PTPRK: variants seen among roughly 807,000 people sequenced by gnomAD.
The protein encoded by PTPRK is protein tyrosine phosphatase receptor type K.
A neutral mutation model predicts 178.0 loss-of-function variants in PTPRK; 75 were observed. The observed-to-expected ratio is 0.42, with a 90% CI of 0.35 to 0.51. The LOEUF (loss-of-function observed/expected upper bound fraction) is 0.51. Ranked by LOEUF, PTPRK falls within the 20% of genes least tolerant of loss-of-function variation. PTPRK has a pLI of 0.02. For synonymous variants in PTPRK, 637 were observed against 620.6 expected (o/e 1.03, Z -0.39); for missense variants, 1,441 against 1,797.8 (o/e 0.80, Z 3.59).
chr6:128,037,483 A>C (rs2114821847), intron 13 of PTPRK, among the ~76,000 whole-genome samples: 1 of 152,338 alleles, frequency 6.6e-6, no homozygotes, highest in Non-Finnish European at 1.5e-5. Flanking sequence ...ACATCTGCCT[A>C]TCAAGATTTA....
chr6:128,208,442 G>A (rs1304072944), intron 6 of PTPRK, among the ~76,000 whole-genome samples: 2 of 152,030 alleles, frequency 1.3e-5, no homozygotes, highest in African/African-American at 4.8e-5. Context: ...TTTCTATGAA[G>A]TAAAAAGTTT....
intron 7 of PTPRK, among the ~76,000 whole-genome samples, chr6:128,137,838 T>C (rs549468894): frequency 2.0e-5 from 3 of 152,128 alleles, no homozygotes; most frequent in South Asian, 4.2e-4. Context: ...TTCCAGGCAG[T>C]AAAGGAAGAG....
At chr6:128,355,534 G>GTA (rs1833834371) in intron 2 of PTPRK, among the ~76,000 whole-genome samples, 1 of 152,048 alleles carries the variant, frequency 6.6e-6, no homozygotes, top group Non-Finnish European at 1.5e-5. Flanking sequence ...ATGCATGTGG[G>GTA]TATAGGTGCA....
intron 1 of PTPRK, among the ~76,000 whole-genome samples, chr6:128,461,600 CTGT>C (rs1290159079): frequency 6.6e-6 from 1 of 152,066 alleles, no homozygotes; most frequent in East Asian, 1.9e-4. Context: ...GTTTTAACTG[CTGT>C]TAAGATATAA....
At chr6:128,289,006 C>CA (rs1194967734) in intron 3 of PTPRK, among the ~76,000 whole-genome samples, 1 of 152,034 alleles carries the variant, frequency 6.6e-6, no homozygotes, top group East Asian at 1.9e-4. Context: ...TTACTTCCAC[C>CA]AAATCTATGG....
At chr6:128,268,924 A>C (rs1819366172) in intron 3 of PTPRK, among the ~76,000 whole-genome samples, 1 of 152,094 alleles carries the variant, frequency 6.6e-6, no homozygotes, top group Non-Finnish European at 1.5e-5. Flanking sequence ...AGAGGATTTA[A>C]ATATTCTATT....
intron 13 of PTPRK, among the ~76,000 whole-genome samples, chr6:128,014,425 A>G (rs1333775375): frequency 6.9e-6 from 1 of 144,962 alleles, no homozygotes; most frequent in African/African-American, 2.6e-5. Context: ...AGCAAGTGAG[A>G]ATCTTTTAGA....
intron 3 of PTPRK, among the ~76,000 whole-genome samples, chr6:128,255,880 A>G (rs1379210682): frequency 6.6e-6 from 1 of 152,216 alleles, no homozygotes; most frequent in African/African-American, 2.4e-5. Flanking sequence ...TTTCAATCCT[A>G]TAGGTTTTCT....
intron 2 of PTPRK, among the ~76,000 whole-genome samples, chr6:128,382,410 CTTT>C (rs71028122): frequency 1.5e-5 from 2 of 131,872 alleles, no homozygotes; most frequent in Admixed American, 7.8e-5. Context: ...TATGAAAATT[CTTT>C]TTTTTTTTTT....
At chr6:128,192,709 G>A (rs1441560748) in intron 6 of PTPRK, among the ~76,000 whole-genome samples, 3 of 151,752 alleles carry the variant, frequency 2.0e-5, no homozygotes, top group South Asian at 2.1e-4. Flanking sequence ...CCAGCTACTC[G>A]GGAGGCTGAG....
intron 25 of PTPRK, among the ~76,000 whole-genome samples, chr6:127,977,455 C>T (rs1217268329): frequency 1.3e-5 from 2 of 152,178 alleles, no homozygotes; most frequent in Non-Finnish European, 2.9e-5. Flanking sequence ...GCAAAGTAAG[C>T]ACAAAACCCC....
intron 5 of PTPRK, among the ~76,000 whole-genome samples, chr6:128,220,874 C>T (rs1375563935): frequency 6.6e-6 from 1 of 152,150 alleles, no homozygotes; most frequent in Non-Finnish European, 1.5e-5. Flanking sequence ...AGTTCTCCAA[C>T]AAGAAACATA....
In PTPRK at chr6:128,067,756, G is replaced by A. The variant is rs775635931; in HGVS notation, c.1920C>T (p.His640=). 2 of 1,611,372 alleles carry A rather than the reference G, an allele frequency of 1.2e-6. No homozygotes were observed. The highest frequency in any genetic ancestry group is 1.7e-6 in the Non-Finnish European group (2 of 1,178,614). Residue 640 remains histidine, a synonymous_variant, in exon 12 of 30, where the codon CAC becomes CAT. Transcript: ENST00000368226. Reference sequence around the variant, plus strand: ...TGGCTCCGGCTTCTCTCTTGGTTCGGTGTGGGTGCAGTTCTTCCACAACAA... The same window carrying A: ...TGGCTCCGGCTTCTCTCTTGGTTCGATGTGGGTGCAGTTCTTCCACAACAA... ...YQIVVEELHP[H]RTKREAGAME... is the part of the protein sequence containing the mutation.
intron 1 of PTPRK, among the ~76,000 whole-genome samples, chr6:128,441,601 T>C (rs1425394589): frequency 6.6e-6 from 1 of 152,068 alleles, no homozygotes; most frequent in Non-Finnish European, 1.5e-5. Context: ...CTCTAGATAG[T>C]GTAGAAAAAA....
chr6:128,032,378 T>G (rs1322655947), intron 13 of PTPRK, among the ~76,000 whole-genome samples: 1 of 152,182 alleles, frequency 6.6e-6, no homozygotes, highest in African/African-American at 2.4e-5. Context: ...GTTTAGCCAG[T>G]TATGCGGTTC....
rs114153326 is a variant in PTPRK, at chr6:128,450,961, T to G, written c.101-53273A>C. 2.4e-3 allele frequency among the ~76,000 whole-genome samples: 361 copies of G among 152,262 alleles called. 3 individuals are homozygous for G. The highest frequency in any genetic ancestry group is 8.1e-3 in the African/African-American group (335 of 41,544). ...GAAACGCCATTTTTACTTGACTGAT[T>G]CACTGAAGACAAACTCTTCCCAAGT... On this transcript the variant is annotated intron_variant, in intron 1 of 29. Coordinates refer to ENST00000368226, the MANE Select transcript of PTPRK (RefSeq NM_002844.4).
At chr6:128,064,830 G>A (rs1193506957) in intron 12 of PTPRK, 36 bp from the exon 13 acceptor site, 2 of 1,548,624 alleles carry the variant, frequency 1.3e-6, no homozygotes, top group Non-Finnish European at 8.6e-7. Flanking sequence ...AAGAGTCAAT[G>A]TACAGATAAT....
chr6:128,105,922 TAG>T (rs1242410016), intron 7 of PTPRK, among the ~76,000 whole-genome samples: 8 of 152,186 alleles, frequency 5.3e-5, no homozygotes, highest in Admixed American at 5.2e-4. Context: ...ATTATGATAA[TAG>T]CCTAGAACAA....
In PTPRK at chr6:128,287,226, C is replaced by T. The variant is rs112829594; in HGVS notation, c.495+34813G>A. ...GCCAGGCCCAGATACTACCAAGAGGCTGTGAATTGGGATGAACGTAGGGGG... is the reference window on the plus strand; with the variant it reads ...GCCAGGCCCAGATACTACCAAGAGGTTGTGAATTGGGATGAACGTAGGGGG... On this transcript the variant is annotated intron_variant, in intron 3 of 29. Transcript: ENST00000368226. Among the ~76,000 whole-genome samples, 901 of 152,196 alleles carry T rather than the reference C, an allele frequency of 5.9e-3. 11 individuals carry two copies. Among genetic ancestry groups the T allele is most frequent in the African/African-American group, 0.021 (861 of 41,532 alleles).
Sources: gnomAD v4.1 joint callset for allele counts (sites outside exome capture counted in the v4.1 genomes callset) on GRCh38, gnomAD v4.1.1 for gene constraint, MANE v1.5 for transcripts, NCBI Gene and HGNC (gene_info 2026-07-23, HGNC 2026-07-21) for gene names.